Variants in GPR157 observed in about 807,000 individuals in gnomAD.
GPR157 encodes G protein-coupled receptor 157.
Under a neutral mutation model 23.5 loss-of-function variants are expected in GPR157, and 16 were observed. The ratio of observed to expected loss-of-function variants is 0.68; its 90% CI spans 0.46 to 1.04. The LOEUF (loss-of-function observed/expected upper bound fraction) is 1.04. Ranked by LOEUF, GPR157 falls within the 50% of genes least tolerant of loss-of-function variation. The pLI, the probability that GPR157 is intolerant of heterozygous loss-of-function variation, is 0.00. For missense variants in GPR157, 440 were observed against 460.7 expected, an observed-to-expected ratio of 0.96 and a Z score of 0.41; for synonymous variants, 200 against 221.5, an observed-to-expected ratio of 0.90 and a Z score of 0.86.
intron 1 of GPR157, among the ~76,000 whole-genome samples, chr1:9,116,870 T>A (rs114611910): frequency 0.012 from 1,836 of 151,596 alleles, 24 homozygotes; most frequent in South Asian, 0.051. Context: ...ACCTCCTGAG[T>A]AGGGGGTACT....
At chr1:9,117,304 A>G (rs1225799976) in intron 1 of GPR157, among the ~76,000 whole-genome samples, 1 of 152,202 alleles carries the variant, frequency 6.6e-6, no homozygotes, top group Non-Finnish European at 1.5e-5. Context: ...GTTCCTGACT[A>G]CAGGGTAAGG....
chr1:9,114,108 C>CTG, intron 1 of GPR157, among the ~76,000 whole-genome samples: 1 of 151,930 alleles, frequency 6.6e-6, no homozygotes, highest in South Asian at 2.1e-4. Flanking sequence ...ACAGGTGGAC[C>CTG]ACCTGAGGTC....
chr1:9,109,683 T>C (rs770030), intron 2 of GPR157, among the ~76,000 whole-genome samples: 118,616 of 152,188 alleles, frequency 0.78, 47,116 homozygotes, highest in East Asian at 0.97. Context: ...CATGAGCTAC[T>C]GCACCCAGTC....
intron 1 of GPR157, among the ~76,000 whole-genome samples, chr1:9,113,956 A>AACACAC (rs35650719): frequency 0.013 from 1,531 of 121,870 alleles, 12 homozygotes; most frequent in African/African-American, 0.02. Context: ...AAAAAAACCA[A>AACACAC]ACACACACAC....
chr1:9,114,602 A>C (rs1191561670), intron 1 of GPR157, among the ~76,000 whole-genome samples: 1 of 152,138 alleles, frequency 6.6e-6, no homozygotes, highest in African/African-American at 2.4e-5. Flanking sequence ...ACGGGCCCTC[A>C]TGGGAAACCG....
rs145686733 is a variant in GPR157, at chr1:9,104,437, C to T, written c.990G>A (p.Gly330=). The T allele has an allele frequency of 6.2e-5, 100 of 1,613,794 alleles. No individual in the cohort carries two copies. Among genetic ancestry groups the T allele is most frequent in the Non-Finnish European group, 8.1e-5 (96 of 1,179,960 alleles). The change falls in exon 4 of 4, where the codon GGG becomes GGA. Residue 330 remains glycine (G), a synonymous_variant. Coordinates refer to ENST00000377411, the MANE Select transcript of GPR157 (RefSeq NM_024980.5). ...CAAAAGCTCAGGTGCTTGGAAGTTC[C>T]CCTGGGGTCCCTTGGGATTCCTGAG... is the stretch of plus-strand genomic sequence containing the variant. ...GESQESQGTP[G]ELPST is the part of the protein sequence containing the mutation.
At chr1:9,106,430 TC>T (rs1477730817) in intron 2 of GPR157, among the ~76,000 whole-genome samples, 3 of 152,060 alleles carry the variant, frequency 2.0e-5, no homozygotes, top group Non-Finnish European at 4.4e-5. Context: ...CGCTCCCCAC[TC>T]CACATGCTCC....
chr1:9,107,198 C>T (rs761095484), intron 2 of GPR157, among the ~76,000 whole-genome samples: 1 of 152,188 alleles, frequency 6.6e-6, no homozygotes, highest in Non-Finnish European at 1.5e-5. Context: ...AGCCCACCCA[C>T]CTCCTCTCCA....
chr1:9,120,176 G>C lies in GPR157; in HGVS notation c.383+8469C>G, dbSNP rs898776210. Among the ~76,000 whole-genome samples, 1 of 152,158 alleles carries C rather than the reference G, an allele frequency of 6.6e-6. No individual in the cohort carries two copies. The highest frequency in any genetic ancestry group is 1.5e-5 in the Non-Finnish European group (1 of 68,022). On this transcript the variant is annotated intron_variant, in intron 1 of 3. Transcript: ENST00000377411. The surrounding 1 kb of genome is among the most constrained non-coding windows in gnomAD (Gnocchi z 4.1). ...CAAAGACCCTTAGGATGCCATCCCT[G>C]CTGCCAGGAAGGGGTCAGAGGTTAG...
rs540433209 is a variant in GPR157, at chr1:9,120,367, G to A, written c.383+8278C>T. Among the ~76,000 whole-genome samples, 1 of 152,274 alleles carries A rather than the reference G, an allele frequency of 6.6e-6. No individual in the cohort carries two copies. Among genetic ancestry groups the A allele is most frequent in the Admixed American group, 6.5e-5 (1 of 15,280 alleles). On this transcript the variant is annotated intron_variant, in intron 1 of 3. Coordinates refer to ENST00000377411, the MANE Select transcript of GPR157 (RefSeq NM_024980.5). This position sits in a 1 kb window ranked among gnomAD's most constrained non-coding sequence, Gnocchi z 4.1. ...CTTCTCTGGGCCAAACACAATGCCT[G>A]GTGTAGGTACCATGAGACCTGGGGA...
At chr1:9,110,375 T>C (rs1208371793) in intron 2 of GPR157, among the ~76,000 whole-genome samples, 1 of 152,026 alleles carries the variant, frequency 6.6e-6, no homozygotes, top group African/African-American at 2.4e-5. Flanking sequence ...GAACAAAAAT[T>C]AGCTGGGCGT....
In GPR157 at chr1:9,123,308, AATATAT is replaced by A. The variant is rs1436177361; in HGVS notation, c.383+5331_383+5336del. Among the ~76,000 whole-genome samples, 17 of 53,694 alleles carry A rather than the reference AATATAT, an allele frequency of 3.2e-4. 1 individual carries two copies. Among genetic ancestry groups the A allele is most frequent in the Admixed American group, 2.8e-4 (1 of 3,514 alleles). The allele number at this position is 53,694 out of a possible 152,430, so 35.2% of individuals were successfully genotyped here. A position where few individuals can be genotyped will look rare whatever the true frequency, so the allele number is the denominator to read the frequency against. The stretch of plus-strand genomic sequence containing the variant: ...TTTAAATTAATATATATTTAATTTA[AATATAT>A]ATTAAAATATATATATTTAATTTAA... On this transcript the variant is annotated intron_variant, in intron 1 of 3. Coordinates refer to ENST00000377411, the MANE Select transcript of GPR157 (RefSeq NM_024980.5).
At chr1:9,124,898 G>A (rs899447744) in intron 1 of GPR157, among the ~76,000 whole-genome samples, 6 of 152,082 alleles carry the variant, frequency 3.9e-5, no homozygotes, top group Admixed American at 1.3e-4. Flanking sequence ...CCATGTGACC[G>A]TCTCACCTCA....
chr1:9,107,735 T>C (rs551885931), intron 2 of GPR157, among the ~76,000 whole-genome samples: 1 of 152,302 alleles, frequency 6.6e-6, no homozygotes, highest in East Asian at 1.9e-4. Flanking sequence ...AAGACCAGGC[T>C]GGCCAAAATG....
At chr1:9,110,471 C>T (rs560439622) in intron 2 of GPR157, among the ~76,000 whole-genome samples, 28 of 152,152 alleles carry the variant, frequency 1.8e-4, no homozygotes, top group African/African-American at 6.5e-4. Context: ...TGCAGTGAGC[C>T]GAGATTGTGC....
At position 9,128,268 on chromosome 1, in the gene GPR157, C is replaced by T; in HGVS notation, c.383+377G>A. 2.0e-6 allele frequency: 1 copy of T among 510,846 alleles called. No homozygotes were observed. The highest frequency in any genetic ancestry group is 1.5e-5 in the South Asian group (1 of 65,082). The allele number at this position is 510,846 out of a possible 1,614,324, so 31.6% of individuals were successfully genotyped here. On this transcript the variant is annotated intron_variant, in intron 1 of 3. Transcript: ENST00000377411. This position sits in a 1 kb window ranked among gnomAD's most constrained non-coding sequence, Gnocchi z 6.3. ...CGGCTCTCCAGCCCGGGACAGTTACCTAACTCGTCTCCCAGCCTGTTTCCC... is the reference window on the plus strand; with the variant it reads ...CGGCTCTCCAGCCCGGGACAGTTACTTAACTCGTCTCCCAGCCTGTTTCCC...
chr1:9,125,967 CT>C (rs36090703), intron 1 of GPR157, among the ~76,000 whole-genome samples: 86,456 of 138,810 alleles, frequency 0.62, 27,006 homozygotes, highest in East Asian at 0.94. Flanking sequence ...TGTATTCTGC[CT>C]TTTTTTTTTT....
rs970999924 is a variant in GPR157, at chr1:9,128,359, A to G, written c.383+286T>C. 15 of 664,446 alleles carry G rather than the reference A, an allele frequency of 2.3e-5. No individual in the cohort carries two copies. Among genetic ancestry groups the G allele is most frequent in the Non-Finnish European group, 4.2e-5 (15 of 360,878 alleles). 41.2% of individuals were successfully genotyped at this position (664,446 alleles called of 1,614,324 possible). On this transcript the variant is annotated intron_variant, in intron 1 of 3. Coordinates refer to ENST00000377411, the MANE Select transcript of GPR157 (RefSeq NM_024980.5). This position sits in a 1 kb window ranked among gnomAD's most constrained non-coding sequence, Gnocchi z 6.3. ...ACAAGGGGCTCAGAGTGTCCTCCCC[A>G]GCCCCGTCCAAGGAAACAGGGCCCG...
At chr1:9,110,683 C>G (rs1189718138) in intron 2 of GPR157, among the ~76,000 whole-genome samples, 3 of 152,308 alleles carry the variant, frequency 2.0e-5, no homozygotes, top group East Asian at 3.9e-4. Context: ...CAAGGAGGAA[C>G]TGGGCCAAGG....
Sources: gnomAD v4.1 joint callset for allele counts (sites outside exome capture counted in the v4.1 genomes callset) on GRCh38, gnomAD v4.1.1 for gene constraint, Gnocchi (gnomAD v3.1) non-coding constraint, MANE v1.5 for transcripts, NCBI Gene and HGNC (gene_info 2026-07-23, HGNC 2026-07-21) for gene names.